LRP1B: variants seen among roughly 807,000 people sequenced by gnomAD.
LRP1B encodes the protein LDL receptor related protein 1B, also known as low-density lipoprotein receptor-related protein 1B.
Under a neutral mutation model 556.6 loss-of-function variants are expected in LRP1B, and 217 were observed. That is an observed-to-expected ratio of 0.39 (90% confidence interval 0.35 to 0.44). LRP1B has a LOEUF of 0.44. LRP1B is among the 20% of genes least tolerant of loss of function. LRP1B has a pLI of 1.00. For missense variants in LRP1B, 5,053 were observed against 5,620.8 expected (o/e 0.90, Z 3.23); for synonymous variants, 2,047 against 1,865.8 (o/e 1.10, Z -2.50).
intron 2 of LRP1B, among the ~76,000 whole-genome samples, chr2:141,539,316 T>C (rs1685172250): frequency 1.3e-5 from 2 of 152,192 alleles, no homozygotes; most frequent in South Asian, 4.1e-4. Context: ...CTGGTCATTT[T>C]AATGTGCTTT....
chr2:140,808,396 A>G (rs1690802796), intron 32 of LRP1B, among the ~76,000 whole-genome samples: 1 of 152,218 alleles, frequency 6.6e-6, no homozygotes, highest in African/African-American at 2.4e-5. Flanking sequence ...CTGTAAAATC[A>G]GCAAAATGTT....
At chr2:140,952,491 A>T (rs574042974) in intron 18 of LRP1B, among the ~76,000 whole-genome samples, 1 of 152,244 alleles carries the variant, frequency 6.6e-6, no homozygotes, top group East Asian at 1.9e-4. Flanking sequence ...ATGAAATCTT[A>T]GTCTACGAAA....
chr2:140,376,027 T>TG (rs1198707281), intron 68 of LRP1B, among the ~76,000 whole-genome samples: 11 of 151,826 alleles, frequency 7.2e-5, no homozygotes, highest in African/African-American at 2.4e-4. Context: ...TTTTTTTTTG[T>TG]TCTAGACTGT....
intron 1 of LRP1B, among the ~76,000 whole-genome samples, chr2:142,001,415 C>T (rs895545636): frequency 1.3e-5 from 2 of 152,092 alleles, no homozygotes; most frequent in African/African-American, 4.8e-5. Context: ...AATAAAGTCT[C>T]GTGAAGTATA....
intron 83 of LRP1B, among the ~76,000 whole-genome samples, chr2:140,307,406 G>T (rs1056763226): frequency 8.6e-5 from 13 of 151,834 alleles, no homozygotes; most frequent in African/African-American, 3.1e-4. Context: ...AATTATCTAT[G>T]CTTAGGCTAT....
chr2:141,678,007 T>C (rs1690953410), intron 2 of LRP1B, among the ~76,000 whole-genome samples: 10 of 152,158 alleles, frequency 6.6e-5, no homozygotes, highest in Admixed American at 6.6e-4. Context: ...AGTTTTCCAA[T>C]ATTACCACTG....
At chr2:140,903,829 G>A (rs988671760) in intron 22 of LRP1B, among the ~76,000 whole-genome samples, 40 of 149,720 alleles carry the variant, frequency 2.7e-4, no homozygotes, top group African/African-American at 9.3e-4. Flanking sequence ...AAAAAAAGTT[G>A]TCCTGGTATT....
chr2:141,868,462 T>C (rs1698483768), intron 1 of LRP1B, among the ~76,000 whole-genome samples: 1 of 152,164 alleles, frequency 6.6e-6, no homozygotes, highest in African/African-American at 2.4e-5. Context: ...GTTCCAGCTG[T>C]TGCAAATTTG....
At chr2:140,524,883 C>T (rs563418588) in intron 49 of LRP1B, among the ~76,000 whole-genome samples, 1 of 151,814 alleles carries the variant, frequency 6.6e-6, no homozygotes, top group African/African-American at 2.4e-5. Flanking sequence ...CAAGCCCAAA[C>T]CTCAGCATCA....
intron 3 of LRP1B, among the ~76,000 whole-genome samples, chr2:141,474,245 A>C (rs1386492334): frequency 2.6e-5 from 4 of 151,976 alleles, no homozygotes; most frequent in Non-Finnish European, 5.9e-5. Flanking sequence ...GTTCTGTAAA[A>C]CCTCTAGGTT....
chr2:141,676,178 A>AT (rs1254128133), intron 2 of LRP1B, among the ~76,000 whole-genome samples: 5 of 151,752 alleles, frequency 3.3e-5, no homozygotes, highest in Admixed American at 1.3e-4. Context: ...TATATTATTC[A>AT]TTTTTTTGGA....
At chr2:140,542,758 T>C (rs958098956) in intron 43 of LRP1B, among the ~76,000 whole-genome samples, 1 of 152,112 alleles carries the variant, frequency 6.6e-6, no homozygotes, top group African/African-American at 2.4e-5. Context: ...TGGGTGGCTA[T>C]ATCTCACTGG....
chr2:140,942,928 T>C (rs932820648), intron 20 of LRP1B, among the ~76,000 whole-genome samples: 2 of 152,124 alleles, frequency 1.3e-5, no homozygotes, highest in African/African-American at 4.8e-5. Context: ...AAATCTCTTA[T>C]ATCAATATTA....
chr2:141,161,452 G>A (rs571662617), intron 7 of LRP1B, among the ~76,000 whole-genome samples: 33 of 152,242 alleles, frequency 2.2e-4, no homozygotes, highest in African/African-American at 7.5e-4. Context: ...GACAGGAAGG[G>A]ATAGATAATA....
At chr2:140,922,569 C>A (rs1694768994) in intron 21 of LRP1B, among the ~76,000 whole-genome samples, 1 of 151,866 alleles carries the variant, frequency 6.6e-6, no homozygotes, top group Non-Finnish European at 1.5e-5. Context: ...AGAAATGCTG[C>A]CAGCTGGTTT....
Position 141,452,956 on chromosome 2 carries a change from C to T in LRP1B, c.343+27440G>A, listed in dbSNP as rs553010725. On this transcript the variant is annotated intron_variant, in intron 3 of 90. Coordinates refer to ENST00000389484, the MANE Select transcript of LRP1B (RefSeq NM_018557.3). The stretch of plus-strand genomic sequence containing the variant: ...CTTTATTCAAAATAGCACAATGTGG[C>T]CACCCACGGTAGCTCACACCTGTAA... 3.3e-5 allele frequency among the ~76,000 whole-genome samples: 5 copies of T among 152,268 alleles called. No homozygotes were observed. The East Asian group carries it at 9.7e-4, about 29-fold the overall frequency.
At chr2:142,027,393 A>G (rs918255887) in intron 1 of LRP1B, among the ~76,000 whole-genome samples, 1 of 151,410 alleles carries the variant, frequency 6.6e-6, no homozygotes, top group Non-Finnish European at 1.5e-5. Context: ...TCTTTCCACT[A>G]TATATTCAAT....
intron 41 of LRP1B, among the ~76,000 whole-genome samples, chr2:140,670,360 G>C (rs1313530974): frequency 6.6e-6 from 1 of 152,194 alleles, no homozygotes; most frequent in Admixed American, 6.5e-5. Context: ...AAGCGGTCAA[G>C]TAGTTAGTGA....
At chr2:140,605,342 AC>A (rs1682828338) in intron 41 of LRP1B, among the ~76,000 whole-genome samples, 1 of 152,104 alleles carries the variant, frequency 6.6e-6, no homozygotes, top group African/African-American at 2.4e-5. Flanking sequence ...ATCTATATTA[AC>A]TGTGAAGTTT....
Sources: allele counts gnomAD v4.1 joint callset (sites outside exome capture counted in the v4.1 genomes callset), GRCh38; gene constraint gnomAD v4.1.1; transcripts MANE v1.5; gene names NCBI Gene and HGNC (gene_info 2026-07-23, HGNC 2026-07-21).